LRMDA: variants seen among roughly 807,000 people sequenced by gnomAD.
The protein encoded by LRMDA is leucine-rich melanocyte differentiation-associated protein.
A neutral mutation model predicts 29.8 loss-of-function variants in LRMDA; 18 were observed. The observed-to-expected ratio is 0.60, with a 90% CI of 0.42 to 0.90. LRMDA has a LOEUF of 0.90. Ranked by LOEUF, LRMDA falls within the 40% of genes least tolerant of loss-of-function variation. LRMDA has a pLI of 0.00. For synonymous variants in LRMDA, 125 were observed against 109.4 expected (o/e 1.14, Z -0.89); for missense variants, 273 against 273.9 (o/e 1.00, Z 0.02).
chr10:76,381,284 A>G (rs1318565552), intron 6 of LRMDA, among the ~76,000 whole-genome samples: 1 of 152,044 alleles, frequency 6.6e-6, no homozygotes, highest in Non-Finnish European at 1.5e-5. Context: ...GACTCTTTTT[A>G]AAGTAAATTA....
intron 2 of LRMDA, among the ~76,000 whole-genome samples, chr10:75,533,648 A>C (rs1353296408): frequency 1.3e-5 from 2 of 152,176 alleles, no homozygotes; most frequent in Non-Finnish European, 2.9e-5. Context: ...AAAATCATGG[A>C]GTGGGAAACT....
At position 75,462,012 on chromosome 10, in the gene LRMDA, A is replaced by G. The variant is rs576187000; in HGVS notation, c.131+23518A>G. Among the ~76,000 whole-genome samples, 13 of 152,396 alleles carry G rather than the reference A, an allele frequency of 8.5e-5. No homozygotes were observed. In the East Asian group the frequency reaches 9.6e-4, roughly 11 times the overall value. On this transcript the variant is annotated intron_variant, in intron 2 of 6. Transcript: ENST00000611255. ...ATGGCAATCGTTTTGCATTTTAATG[A>G]CAAATCAAGTACGCTAACTTGCATT...
chr10:76,094,915 G>A (rs1381639915), intron 5 of LRMDA, among the ~76,000 whole-genome samples: 1 of 151,936 alleles, frequency 6.6e-6, no homozygotes, highest in Non-Finnish European at 1.5e-5. Flanking sequence ...TCACTTAGTA[G>A]GTTTCTTTCC....
intron 2 of LRMDA, among the ~76,000 whole-genome samples, chr10:75,681,453 A>T (rs754748804): frequency 3.9e-5 from 6 of 152,198 alleles, no homozygotes; most frequent in Non-Finnish European, 7.3e-5. Flanking sequence ...GGTTTGGCTC[A>T]TCTAGGCCGG....
At chr10:76,312,534 G>A (rs1840641970) in intron 5 of LRMDA, among the ~76,000 whole-genome samples, 1 of 152,038 alleles carries the variant, frequency 6.6e-6, no homozygotes, top group South Asian at 2.1e-4. Context: ...CATGAGGCAA[G>A]TTCCTTCTTT....
At chr10:75,764,928 C>CGTGTTTGT (rs1843143731) in intron 2 of LRMDA, among the ~76,000 whole-genome samples, 1 of 142,772 alleles carries the variant, frequency 7.0e-6, no homozygotes, top group African/African-American at 2.6e-5. Flanking sequence ...GCAAGAGACA[C>CGTGTTTGT]GTGTGTGTGT....
intron 5 of LRMDA, among the ~76,000 whole-genome samples, chr10:76,165,800 T>G (rs1850729527): frequency 6.6e-6 from 1 of 152,110 alleles, no homozygotes; most frequent in South Asian, 2.1e-4. Flanking sequence ...TAATTATCTC[T>G]TACCAAGTCC....
chr10:76,443,075 A>G (rs899649341), intron 6 of LRMDA, among the ~76,000 whole-genome samples: 2 of 152,200 alleles, frequency 1.3e-5, no homozygotes, highest in Non-Finnish European at 2.9e-5. Context: ...GGAGTCAGGA[A>G]TAGGATTGGG....
chr10:75,844,216 A>G (rs1439867243), intron 2 of LRMDA, among the ~76,000 whole-genome samples: 1 of 152,204 alleles, frequency 6.6e-6, no homozygotes, highest in African/African-American at 2.4e-5. Context: ...GTGACAGCCA[A>G]ATCCATCCAT....
chr10:76,343,184 A>G (rs1283235128), intron 6 of LRMDA, among the ~76,000 whole-genome samples: 2 of 152,244 alleles, frequency 1.3e-5, no homozygotes, highest in Non-Finnish European at 2.9e-5. Context: ...GTTGCAGGGT[A>G]TGGAAGTACT....
chr10:75,936,465 T>C (rs1249217866), intron 2 of LRMDA, among the ~76,000 whole-genome samples: 2 of 152,180 alleles, frequency 1.3e-5, no homozygotes, highest in Non-Finnish European at 2.9e-5. Context: ...TTAGGCCTAT[T>C]TGCATATCTA....
At chr10:76,250,788 G>A (rs527391413) in intron 5 of LRMDA, among the ~76,000 whole-genome samples, 2 of 152,326 alleles carry the variant, frequency 1.3e-5, no homozygotes, top group South Asian at 4.1e-4. Flanking sequence ...AGCCCTCCAA[G>A]GTTGTCAAAC....
chr10:75,717,268 G>C (rs940365338), intron 2 of LRMDA, among the ~76,000 whole-genome samples: 1 of 151,906 alleles, frequency 6.6e-6, no homozygotes, highest in Non-Finnish European at 1.5e-5. Context: ...GACTTCAGCA[G>C]GCATTGTAAA....
In LRMDA at chr10:75,916,368, C is replaced by T. The variant is rs111882098; in HGVS notation, c.132-119640C>T. 7.1e-3 allele frequency among the ~76,000 whole-genome samples: 1,079 copies of T among 152,244 alleles called. 15 individuals carry two copies. Among genetic ancestry groups the T allele is most frequent in the African/African-American group, 0.024 (1,014 of 41,550 alleles). ...CACATGGCTATTGCTGGCTGGGCTC[C>T]TCAGAGCTCTGGGCCTGGCAAGAGA... On this transcript the variant is annotated intron_variant, in intron 2 of 6. Transcript: ENST00000611255.
At chr10:76,418,158 C>T (rs1237742479) in intron 6 of LRMDA, among the ~76,000 whole-genome samples, 1 of 151,908 alleles carries the variant, frequency 6.6e-6, no homozygotes, top group Non-Finnish European at 1.5e-5. Context: ...ATAATAACAA[C>T]AACAATGAAA....
chr10:76,105,379 A>T lies in LRMDA; in HGVS notation c.516+46596A>T, dbSNP rs1021453927. 1.8e-4 allele frequency among the ~76,000 whole-genome samples: 27 copies of T among 149,580 alleles called. No homozygotes were observed. In the East Asian group the frequency reaches 4.3e-3, roughly 24 times the overall value. On this transcript the variant is annotated intron_variant, in intron 5 of 6. Coordinates refer to ENST00000611255, the MANE Select transcript of LRMDA (RefSeq NM_001305581.2). ...TGAAGAGTGCCTTCCACCCCAGAAG[A>T]TATGGTCCCCTGGAACCTGTGAATG...
chr10:76,073,506 C>T (rs1318615770), intron 5 of LRMDA, among the ~76,000 whole-genome samples: 2 of 152,270 alleles, frequency 1.3e-5, no homozygotes, highest in African/African-American at 4.8e-5. Flanking sequence ...CCCACCGTTC[C>T]TGGATTTTAA....
chr10:76,143,640 G>T (rs1850251755), intron 5 of LRMDA, among the ~76,000 whole-genome samples: 1 of 152,110 alleles, frequency 6.6e-6, no homozygotes, highest in Admixed American at 6.5e-5. Context: ...CATTCTGTAG[G>T]TTGCCTGTTC....
intron 2 of LRMDA, among the ~76,000 whole-genome samples, chr10:75,569,378 G>C (rs181510317): frequency 1.3e-5 from 2 of 152,226 alleles, no homozygotes; most frequent in South Asian, 4.1e-4. Context: ...ATATCTTACT[G>C]TTCAGTCCTT....
Sources: allele counts gnomAD v4.1 joint callset (sites outside exome capture counted in the v4.1 genomes callset), GRCh38; gene constraint gnomAD v4.1.1; transcripts MANE v1.5; gene names NCBI Gene and HGNC (gene_info 2026-07-23, HGNC 2026-07-21).